KAZN: variants seen among roughly 807,000 people sequenced by gnomAD.
The protein encoded by KAZN is kazrin, periplakin interacting protein, also known as kazrin.
In KAZN, 40 loss-of-function variants were observed where a neutral mutation model predicts 87.4. The ratio of observed to expected loss-of-function variants is 0.46; its 90% CI spans 0.36 to 0.60. The LOEUF (loss-of-function observed/expected upper bound fraction) is 0.60. Ranked by LOEUF, KAZN falls within the 20% of genes least tolerant of loss-of-function variation. KAZN has a pLI of 0.00. For missense variants in KAZN, 898 were observed against 1,073.9 expected (o/e 0.84, Z 2.29); for synonymous variants, 466 against 458.3 (o/e 1.02, Z -0.22).
At chr1:14,700,967 T>C (rs1047110118) in intron 1 of KAZN, among the ~76,000 whole-genome samples, 4 of 152,140 alleles carry the variant, frequency 2.6e-5, no homozygotes, top group Non-Finnish European at 4.4e-5. Context: ...AGAGGAGCAA[T>C]GTGAGTGGGC....
At chr1:14,617,727 T>G (rs1195413392) in intron 1 of KAZN, among the ~76,000 whole-genome samples, 4 of 152,230 alleles carry the variant, frequency 2.6e-5, no homozygotes, top group African/African-American at 9.6e-5. Context: ...CCTGTAGTGC[T>G]GAAGAGTGAC....
chr1:14,807,552 T>C (rs1025568575), intron 1 of KAZN, among the ~76,000 whole-genome samples: 2 of 152,122 alleles, frequency 1.3e-5, no homozygotes, highest in African/African-American at 4.8e-5. Context: ...GAGGATCACT[T>C]GAGCCCAGGA....
intron 1 of KAZN, among the ~76,000 whole-genome samples, chr1:14,837,640 C>T (rs568321284): frequency 6.6e-6 from 1 of 150,914 alleles, no homozygotes; most frequent in African/African-American, 2.4e-5. Flanking sequence ...GCAGCCTCAA[C>T]CTCCTAGGCT....
At chr1:14,227,259 C>T (rs1450205588) in intron 2 of KAZN, among the ~76,000 whole-genome samples, 2 of 152,114 alleles carry the variant, frequency 1.3e-5, no homozygotes, top group African/African-American at 4.8e-5. Context: ...TCAGTGGCCT[C>T]AAACCATCAT....
chr1:14,163,815 C>T lies in KAZN; in HGVS notation c.92-16620C>T, dbSNP rs61088953. Among the ~76,000 whole-genome samples, 415 of 152,342 alleles carry T rather than the reference C, an allele frequency of 2.7e-3. 16 individuals are homozygous for T. In the East Asian group the frequency reaches 0.066, roughly 24 times the overall value. ...GCTTATTCGATATATTTTCTACTTT[C>T]TGCATCACCACAGGCAATAGTATTG... On this transcript the variant is annotated intron_variant, in intron 1 of 16. Transcript: ENST00000636203.
At chr1:14,326,605 C>T (rs907045290) in intron 2 of KAZN, among the ~76,000 whole-genome samples, 8 of 152,152 alleles carry the variant, frequency 5.3e-5, no homozygotes, top group African/African-American at 9.7e-5. Flanking sequence ...AAATCCCTCC[C>T]GTCTCACACA....
chr1:14,894,095 A>T (rs1655006058), intron 1 of KAZN, among the ~76,000 whole-genome samples: 1 of 152,022 alleles, frequency 6.6e-6, no homozygotes. Flanking sequence ...CTGCCACTCA[A>T]AGCATCACAG....
chr1:14,517,656 A>G (rs1671368134), intron 2 of KAZN, among the ~76,000 whole-genome samples: 1 of 152,218 alleles, frequency 6.6e-6, no homozygotes, highest in African/African-American at 2.4e-5. Flanking sequence ...AAAAGCTGGA[A>G]ATATTTGGGT....
chr1:14,459,932 A>C (rs1044476240), intron 2 of KAZN, among the ~76,000 whole-genome samples: 1 of 152,168 alleles, frequency 6.6e-6, no homozygotes, highest in African/African-American at 2.4e-5. Context: ...GAGCCCATGG[A>C]AACCAAAGCC....
At chr1:14,554,601 A>G (rs1673745915) in intron 2 of KAZN, among the ~76,000 whole-genome samples, 2 of 152,300 alleles carry the variant, frequency 1.3e-5, no homozygotes, top group Non-Finnish European at 1.5e-5. Flanking sequence ...AACTCTTATA[A>G]CAGATATGAT....
At chr1:14,391,267 G>A (rs1463660542) in intron 2 of KAZN, among the ~76,000 whole-genome samples, 2 of 152,106 alleles carry the variant, frequency 1.3e-5, no homozygotes, top group African/African-American at 4.8e-5. Context: ...TCCTTTTCAG[G>A]CTCTGACTCC....
chr1:13,929,201 C>G (rs950140132), intron 1 of KAZN, among the ~76,000 whole-genome samples: 3 of 151,954 alleles, frequency 2.0e-5, no homozygotes, highest in Admixed American at 1.3e-4. Context: ...ATTACAAGCA[C>G]GAGCCTGGCC....
rs369566185 is a variant in KAZN, at chr1:15,103,406, C to T, written c.1827C>T (p.Pro609=). 1.3e-4 allele frequency: 198 copies of T among 1,552,330 alleles called. 1 individual carries two copies. The East Asian group carries it at 2.8e-3, about 22-fold the overall frequency. ...RARCETQNID[P]VVWTNQRVLK... is the part of the protein sequence containing the mutation. ...GCTGCGAGACGCAGAACATTGACCC[C>T]GTGGTGTGGACCAACCAGCGGGTGC... The change falls in exon 12 of 15, where the codon CCC becomes CCT. Residue 609 remains proline, a synonymous_variant. Coordinates refer to ENST00000376030, the MANE Select transcript of KAZN (RefSeq NM_201628.3).
intron 2 of KAZN, among the ~76,000 whole-genome samples, chr1:14,517,546 C>G (rs1671361541): frequency 6.6e-6 from 1 of 152,228 alleles, no homozygotes; most frequent in Non-Finnish European, 1.5e-5. Flanking sequence ...GCCTGGAACA[C>G]ATGCCTTAGC....
At chr1:14,519,546 C>T (rs1016857369) in intron 2 of KAZN, among the ~76,000 whole-genome samples, 1 of 152,088 alleles carries the variant, frequency 6.6e-6, no homozygotes, top group South Asian at 2.1e-4. Context: ...GCACAGATTG[C>T]CTTTGGAGAG....
chr1:14,026,715 C>T lies in KAZN; in HGVS notation c.91+132959C>T, dbSNP rs115980067. ...AATAGATCTGCACTGAGGTCTGAGA[C>T]CCTGCGTTTCTAACAAGCTTTCTGG... On this transcript the variant is annotated intron_variant, in intron 1 of 16. Transcript: ENST00000636203. Among the ~76,000 whole-genome samples the T allele has an allele frequency of 1.4e-3, 218 of 152,210 alleles. 1 individual carries two copies. Among genetic ancestry groups the T allele is most frequent in the African/African-American group, 4.5e-3 (185 of 41,530 alleles).
intron 2 of KAZN, among the ~76,000 whole-genome samples, chr1:14,511,463 A>G (rs1317592458): frequency 6.6e-6 from 1 of 152,246 alleles, no homozygotes; most frequent in Non-Finnish European, 1.5e-5. Context: ...AGTATGGCAG[A>G]ACTAAACAAA....
At chr1:14,143,034 G>A (rs1242938813) in intron 1 of KAZN, among the ~76,000 whole-genome samples, 2 of 152,130 alleles carry the variant, frequency 1.3e-5, no homozygotes, top group East Asian at 3.9e-4. Flanking sequence ...CGGGGATGGA[G>A]CAGCTGGAGG....
intron 1 of KAZN, among the ~76,000 whole-genome samples, chr1:14,652,400 C>G (rs1638438880): frequency 6.6e-6 from 1 of 151,462 alleles, no homozygotes; most frequent in South Asian, 2.1e-4. Flanking sequence ...TCCTGTTTCT[C>G]TGTCTCAGCA....
Sources: gnomAD v4.1 joint callset for allele counts (sites outside exome capture counted in the v4.1 genomes callset) on GRCh38, gnomAD v4.1.1 for gene constraint, MANE v1.5 for transcripts, NCBI Gene and HGNC (gene_info 2026-07-23, HGNC 2026-07-21) for gene names.